Variants in BCAS3 observed in about 807,000 individuals in gnomAD.
BCAS3 encodes the protein BCAS4/BCAS3 fusion.
BCAS3 carries 53 observed loss-of-function variants against 116.1 expected under a neutral mutation model. The observed-to-expected ratio is 0.46, with a 90% CI of 0.37 to 0.57. The LOEUF is 0.57. Ranked by LOEUF, BCAS3 falls within the 20% of genes least tolerant of loss-of-function variation. The pLI is 0.00. For missense variants in BCAS3, 917 were observed against 1,165.4 expected (o/e 0.79, Z 3.10); for synonymous variants, 391 against 408.2 (o/e 0.96, Z 0.51).
chr17:61,158,521 G>A (rs2077989507), intron 22 of BCAS3, among the ~76,000 whole-genome samples: 1 of 152,070 alleles, frequency 6.6e-6, no homozygotes, highest in South Asian at 2.1e-4. Context: ...TGGGAATTTT[G>A]GTAGTGAATC....
chr17:61,002,527 G>T lies in BCAS3; in HGVS notation c.1486+12292G>T, dbSNP rs570085799. Reference sequence around the variant, plus strand: ...AACCTGAGGTACTAGGGATGTTAATGTCTTATCAGATCTTAAATAGCCTTT... The same window carrying T: ...AACCTGAGGTACTAGGGATGTTAATTTCTTATCAGATCTTAAATAGCCTTT... On this transcript the variant is annotated intron_variant, in intron 15 of 23. Transcript: ENST00000407086. 31 of 152,206 alleles carry T rather than the reference G, an allele frequency of 2.0e-4. No homozygotes were observed. The East Asian group carries it at 5.8e-3, about 28-fold the overall frequency. The allele number at this position is 152,206 out of a possible 1,614,324, so 9.4% of individuals were successfully genotyped here.
chr17:61,155,360 A>G (rs1003822002), intron 22 of BCAS3, among the ~76,000 whole-genome samples: 6 of 152,176 alleles, frequency 3.9e-5, no homozygotes, highest in African/African-American at 1.2e-4. Flanking sequence ...TGGTGGCATC[A>G]AAGTATTGGT....
intron 14 of BCAS3, 96 bp from the exon 15 acceptor site, chr17:60,989,875 G>T: frequency 1.5e-6 from 2 of 1,303,924 alleles, no homozygotes; most frequent in Non-Finnish European, 2.1e-6. Flanking sequence ...TGGTAATGAG[G>T]CAATCATTTA....
In BCAS3 at chr17:61,171,799, T is replaced by A. The variant is rs1424728060; in HGVS notation, c.2425+87235T>A. 1.7e-3 allele frequency among the ~76,000 whole-genome samples: 237 copies of A among 136,868 alleles called. No individual in the cohort carries two copies. Among genetic ancestry groups the A allele is most frequent in the East Asian group, 4.2e-3 (21 of 4,974 alleles). 89.8% of individuals were successfully genotyped at this position (136,868 alleles called of 152,430 possible). A position where few individuals can be genotyped will look rare whatever the true frequency, so the allele number is the denominator to read the frequency against. ...CCATGCCCTGCTAATTAAAAAAAAA[T>A]TTTTTTTTTTTTTTGTAGAAATGGA... On this transcript the variant is annotated intron_variant, in intron 22 of 23. Transcript: ENST00000407086. This position sits in a 1 kb window ranked among gnomAD's most constrained non-coding sequence, Gnocchi z 4.1.
At chr17:60,933,333 A>G (rs1364073125) in intron 13 of BCAS3, among the ~76,000 whole-genome samples, 2 of 152,244 alleles carry the variant, frequency 1.3e-5, no homozygotes, top group African/African-American at 2.4e-5. Context: ...CCTGACATGA[A>G]CCTTTAATTC....
At chr17:60,836,519 A>G (rs2051390489) in intron 7 of BCAS3, among the ~76,000 whole-genome samples, 1 of 152,082 alleles carries the variant, frequency 6.6e-6, no homozygotes, top group Admixed American at 6.6e-5. Flanking sequence ...TTCTTTAATA[A>G]TGTTTTAATA....
At chr17:61,193,474 T>C (rs2080270476) in intron 22 of BCAS3, among the ~76,000 whole-genome samples, 1 of 151,906 alleles carries the variant, frequency 6.6e-6, no homozygotes, top group Non-Finnish European at 1.5e-5. Context: ...GACTGAATTT[T>C]TGGCCAGGTG....
chr17:60,909,384 A>T (rs914081336), intron 11 of BCAS3, among the ~76,000 whole-genome samples: 1 of 152,178 alleles, frequency 6.6e-6, no homozygotes, highest in African/African-American at 2.4e-5. Flanking sequence ...ATTTAGCCAT[A>T]GCATGTGCCA....
rs2058641681 is a variant in BCAS3, at chr17:61,364,824, C to T, written c.2426-3503C>T. ...AGAAACCCTTGTTCCAGATCTGTTG[C>T]TCAGAGACTTTGAACATGTCACGTA... On this transcript the variant is annotated intron_variant, in intron 22 of 23. Coordinates refer to ENST00000407086, the MANE Select transcript of BCAS3 (RefSeq NM_017679.5). This position sits in a 1 kb window ranked among gnomAD's most constrained non-coding sequence, Gnocchi z 5.4. Among the ~76,000 whole-genome samples the T allele has an allele frequency of 6.6e-6, 1 of 152,232 alleles. No homozygotes were observed. Among genetic ancestry groups the T allele is most frequent in the Non-Finnish European group, 1.5e-5 (1 of 68,038 alleles).
At chr17:60,771,924 A>G (rs2044753028) in intron 6 of BCAS3, among the ~76,000 whole-genome samples, 1 of 152,170 alleles carries the variant, frequency 6.6e-6, no homozygotes, top group Non-Finnish European at 1.5e-5. Context: ...CATGGTATAT[A>G]TGTGCCACGT....
At chr17:61,057,609 A>G (rs2069518980) in intron 19 of BCAS3, among the ~76,000 whole-genome samples, 1 of 152,108 alleles carries the variant, frequency 6.6e-6, no homozygotes, top group South Asian at 2.1e-4. Flanking sequence ...TTCAGACCCA[A>G]GACATGTTAA....
intron 17 of BCAS3, among the ~76,000 whole-genome samples, chr17:61,035,115 A>C (rs1319986870): frequency 6.6e-6 from 1 of 152,192 alleles, no homozygotes. Context: ...TGGTCTGTGA[A>C]GTACAGAGAG....
rs1259891025 is a variant in BCAS3, at chr17:61,316,208, T to A, written c.2426-52119T>A. 2.0e-5 allele frequency among the ~76,000 whole-genome samples: 3 copies of A among 151,978 alleles called. No individual in the cohort carries two copies. Among genetic ancestry groups the A allele is most frequent in the African/African-American group, 7.2e-5 (3 of 41,384 alleles). The stretch of plus-strand genomic sequence containing the variant: ...GTGATCCCAGCTACTCAGGAGGCTG[T>A]GGCAGGAGAATCACCTGAGTCCAGG... On this transcript the variant is annotated intron_variant, in intron 22 of 23. Transcript: ENST00000407086. This position sits in a 1 kb window ranked among gnomAD's most constrained non-coding sequence, Gnocchi z 5.8.
intron 22 of BCAS3, among the ~76,000 whole-genome samples, chr17:61,192,611 T>A (rs1034039850): frequency 6.6e-6 from 1 of 152,184 alleles, no homozygotes; most frequent in African/African-American, 2.4e-5. Flanking sequence ...AAAAAAGATA[T>A]TATTTTTAAT....
intron 7 of BCAS3, among the ~76,000 whole-genome samples, chr17:60,831,740 G>GTT (rs796971999): frequency 1.4e-5 from 2 of 144,620 alleles, no homozygotes; most frequent in African/African-American, 5.0e-5. Flanking sequence ...TTGGCGGTGG[G>GTT]TTTTTTTTTT....
In BCAS3 at chr17:61,348,683, T is replaced by C. The variant is rs1474552185; in HGVS notation, c.2426-19644T>C. On this transcript the variant is annotated intron_variant, in intron 22 of 23. Transcript: ENST00000407086. The surrounding 1 kb of genome is among the most constrained non-coding windows in gnomAD (Gnocchi z 4.5). Reference sequence around the variant, plus strand: ...TCTGGGTTGCCCACAAGGGACCACATCATTGTACCTAAGCTGCCATGATCA... The same window carrying C: ...TCTGGGTTGCCCACAAGGGACCACACCATTGTACCTAAGCTGCCATGATCA... Among the ~76,000 whole-genome samples the C allele has an allele frequency of 1.3e-5, 2 of 151,800 alleles. No homozygotes were observed. Among genetic ancestry groups the C allele is most frequent in the African/African-American group, 4.8e-5 (2 of 41,306 alleles).
intron 16 of BCAS3, among the ~76,000 whole-genome samples, chr17:61,024,719 C>T (rs2066111591): frequency 6.6e-6 from 1 of 151,466 alleles, no homozygotes. Flanking sequence ...GAAACCTAAA[C>T]CTGGAAGAAA....
chr17:61,214,550 G>A lies in BCAS3; in HGVS notation c.2425+129986G>A, dbSNP rs1330632370. 6.6e-6 allele frequency among the ~76,000 whole-genome samples: 1 copy of A among 151,124 alleles called. No homozygotes were observed. Among genetic ancestry groups the A allele is most frequent in the Admixed American group, 6.6e-5 (1 of 15,158 alleles). On this transcript the variant is annotated intron_variant, in intron 22 of 23. Coordinates refer to ENST00000407086, the MANE Select transcript of BCAS3 (RefSeq NM_017679.5). This position sits in a 1 kb window ranked among gnomAD's most constrained non-coding sequence, Gnocchi z 4.4. ...ATACCAAAAAAAAAAAATTAGCTGG[G>A]CGTGGCGGCGGGCGCCTGTAGTCCC...
At chr17:61,046,340 A>G (rs1229480593) in intron 19 of BCAS3, among the ~76,000 whole-genome samples, 1 of 149,972 alleles carries the variant, frequency 6.7e-6, no homozygotes, top group Non-Finnish European at 1.5e-5. Flanking sequence ...GAAATCACCT[A>G]TTTCCCAACT....
Sources: gnomAD v4.1 joint callset for allele counts (sites outside exome capture counted in the v4.1 genomes callset) on GRCh38, gnomAD v4.1.1 for gene constraint, Gnocchi (gnomAD v3.1) non-coding constraint, MANE v1.5 for transcripts, NCBI Gene and HGNC (gene_info 2026-07-23, HGNC 2026-07-21) for gene names.